Variants in NRXN1 observed in about 807,000 individuals in gnomAD.
The protein encoded by NRXN1 is neurexin-1.
Under a neutral mutation model 150.9 loss-of-function variants are expected in NRXN1, and 39 were observed. The observed-to-expected ratio is 0.26, with a 90% CI of 0.20 to 0.34. NRXN1 has a LOEUF of 0.34. Ranked by LOEUF, NRXN1 falls within the 10% of genes least tolerant of loss-of-function variation. The pLI is 1.00. For missense variants in NRXN1, 1,815 were observed against 1,949.9 expected (o/e 0.93, Z 1.30); for synonymous variants, 924 against 757.0 (o/e 1.22, Z -3.62).
intron 21 of NRXN1, among the ~76,000 whole-genome samples, chr2:49,957,804 C>G (rs1313351626): frequency 6.6e-6 from 1 of 152,146 alleles, no homozygotes; most frequent in Non-Finnish European, 1.5e-5. Context: ...CTGCACTGCA[C>G]TGTTCAGGAG....
intron 5 of NRXN1, among the ~76,000 whole-genome samples, chr2:50,712,423 T>C (rs1283043917): frequency 6.6e-6 from 1 of 152,208 alleles, no homozygotes; most frequent in Non-Finnish European, 1.5e-5. Flanking sequence ...CAAGCTCTCC[T>C]GTATCAGTGT....
At position 49,920,604 on chromosome 2, in the gene NRXN1, C is replaced by G. The variant is rs1325387014; in HGVS notation, c.*1340G>C. ...TTTGTCATCAATACCTTGGCACAAC[C>G]CTCTTCCTTCCTGCTTTTCAATTTG... On this transcript the variant is annotated 3_prime_UTR_variant, in exon 23 of 23. Coordinates refer to ENST00000401669, the MANE Select transcript of NRXN1 (RefSeq NM_001330078.2). The G allele has an allele frequency of 6.6e-6, 1 of 152,342 alleles. No individual in the cohort carries two copies. The highest frequency in any genetic ancestry group is 1.9e-4 in the East Asian group (1 of 5,162). The allele number at this position is 152,342 out of a possible 1,614,324, so 9.4% of individuals were successfully genotyped here. A position where few individuals can be genotyped will look rare whatever the true frequency, so the allele number is the denominator to read the frequency against.
intron 18 of NRXN1, among the ~76,000 whole-genome samples, chr2:50,171,023 G>C (rs540836306): frequency 1.3e-5 from 2 of 152,222 alleles, no homozygotes; most frequent in East Asian, 3.9e-4. Flanking sequence ...AAAAGAAAAT[G>C]TTATTTAGAA....
At chr2:50,247,889 C>T (rs561369863) in intron 17 of NRXN1, among the ~76,000 whole-genome samples, 2 of 152,208 alleles carry the variant, frequency 1.3e-5, no homozygotes, top group African/African-American at 4.8e-5. Flanking sequence ...GAGATGTTAA[C>T]ATTTGTGGGA....
intron 17 of NRXN1, among the ~76,000 whole-genome samples, chr2:50,272,621 A>C (rs962648816): frequency 6.6e-6 from 1 of 152,158 alleles, no homozygotes; most frequent in Non-Finnish European, 1.5e-5. Context: ...GCAGGAAAAA[A>C]TGGAAGAGTA....
At chr2:50,765,510 C>G (rs1288294856) in intron 5 of NRXN1, among the ~76,000 whole-genome samples, 5 of 152,034 alleles carry the variant, frequency 3.3e-5, no homozygotes, top group African/African-American at 4.8e-5. Context: ...GAGAGGAATT[C>G]CAGCTAAACA....
Position 49,920,749 on chromosome 2 carries a change from T to G in NRXN1, c.*1195A>C, listed in dbSNP as rs200452275. 1.4e-5 allele frequency: 2 copies of G among 145,928 alleles called. No individual in the cohort carries two copies. The highest frequency in any genetic ancestry group is 2.2e-4 in the South Asian group (1 of 4,596). The allele number at this position is 145,928 out of a possible 1,614,324, so 9.0% of individuals were successfully genotyped here. A position where few individuals can be genotyped will look rare whatever the true frequency, so the allele number is the denominator to read the frequency against. On this transcript the variant is annotated 3_prime_UTR_variant, in exon 23 of 23. Transcript: ENST00000401669. ...GTGTGTGTGTGTGTGTGTGTGAAAA[T>G]AGTGAATGTATGTGGGAATGTGAGT... is the stretch of plus-strand genomic sequence containing the variant.
chr2:50,346,900 C>G lies in NRXN1; in HGVS notation c.3365-109930G>C. ...GCCGCCGCCGCCGCCGCCGCCGCCG[C>G]CCCCGGGCGAGCCCAGCTCGGCGCC... On this transcript the variant is annotated intron_variant, in intron 17 of 22. Transcript: ENST00000401669. The surrounding 1 kb of genome is among the most constrained non-coding windows in gnomAD (Gnocchi z 5.0). 7.7e-7 allele frequency: 1 copy of G among 1,296,808 alleles called. No homozygotes were observed. Among genetic ancestry groups the G allele is most frequent in the Non-Finnish European group, 9.8e-7 (1 of 1,024,252 alleles). The allele number at this position is 1,296,808 out of a possible 1,614,324, so 80.3% of individuals were successfully genotyped here. A position where few individuals can be genotyped will look rare whatever the true frequency, so the allele number is the denominator to read the frequency against.
chr2:50,601,051 T>C (rs916735343), intron 8 of NRXN1, among the ~76,000 whole-genome samples: 4 of 152,136 alleles, frequency 2.6e-5, no homozygotes, highest in African/African-American at 9.7e-5. Flanking sequence ...CAAGGATACC[T>C]GACTGATGAG....
intron 21 of NRXN1, among the ~76,000 whole-genome samples, chr2:50,042,258 A>G (rs1691100031): frequency 6.6e-6 from 1 of 152,170 alleles, no homozygotes; most frequent in South Asian, 2.1e-4. Flanking sequence ...CTTGAATTGT[A>G]GTTCCCATAA....
chr2:50,899,116 G>A (rs1357600941), intron 5 of NRXN1, among the ~76,000 whole-genome samples: 5 of 151,994 alleles, frequency 3.3e-5, no homozygotes, highest in African/African-American at 7.2e-5. Flanking sequence ...AACTACAGTC[G>A]CTAAAATAAA....
rs188106203 is a variant in NRXN1, at chr2:50,497,257, T to A, written c.2879+76A>T. On this transcript the variant is annotated intron_variant, in intron 14 of 22. Transcript: ENST00000401669. ...ACCTTATGAGCCAGTATGTTCTTCT[T>A]AGTGTATATTTTTGGAAATTGACGT... 284 of 1,154,770 alleles carry A rather than the reference T, an allele frequency of 2.5e-4. No homozygotes were observed. In the African/African-American group the frequency reaches 3.9e-3, roughly 16 times the overall value. 71.5% of individuals were successfully genotyped at this position (1,154,770 alleles called of 1,614,324 possible).
At chr2:50,910,263 CTCA>C (rs1684332455) in intron 5 of NRXN1, among the ~76,000 whole-genome samples, 1 of 151,932 alleles carries the variant, frequency 6.6e-6, no homozygotes, top group African/African-American at 2.4e-5. Flanking sequence ...TTTTATTTGA[CTCA>C]TCATTAGACA....
intron 17 of NRXN1, among the ~76,000 whole-genome samples, chr2:50,422,942 C>T (rs2084114738): frequency 6.6e-6 from 1 of 152,112 alleles, no homozygotes; most frequent in Non-Finnish European, 1.5e-5. Flanking sequence ...ACTGATTTTC[C>T]TCAAATATCA....
intron 17 of NRXN1, among the ~76,000 whole-genome samples, chr2:50,366,083 T>C (rs1009527673): frequency 6.6e-6 from 1 of 151,176 alleles, no homozygotes; most frequent in Non-Finnish European, 1.5e-5. Context: ...CTTAATCCAA[T>C]AGCAGATAAT....
At chr2:50,625,406 A>C (rs987443003) in intron 5 of NRXN1, among the ~76,000 whole-genome samples, 1 of 152,092 alleles carries the variant, frequency 6.6e-6, no homozygotes, top group African/African-American at 2.4e-5. Flanking sequence ...AGACCAAATA[A>C]TTCTGAGTAA....
chr2:50,978,283 TATATATATATATATATATATATAAA>T (rs1696208934), intron 2 of NRXN1, among the ~76,000 whole-genome samples: 1 of 106,948 alleles, frequency 9.4e-6, no homozygotes, highest in South Asian at 2.9e-4. Flanking sequence ...TATATATATA[TATATATATATATATATATATATAAA>T]ATATATATAT....
intron 5 of NRXN1, among the ~76,000 whole-genome samples, chr2:50,654,364 A>AT (rs1415558763): frequency 2.6e-5 from 4 of 151,868 alleles, no homozygotes; most frequent in South Asian, 2.1e-4. Flanking sequence ...TGAAATCATC[A>AT]TTTTTTAGGG....
intron 5 of NRXN1, among the ~76,000 whole-genome samples, chr2:50,839,377 T>G (rs1283264453): frequency 6.6e-6 from 1 of 152,182 alleles, no homozygotes; most frequent in Non-Finnish European, 1.5e-5. Flanking sequence ...GAAAGTGTCA[T>G]AAAATACCAT....
Sources: gnomAD v4.1 joint callset for allele counts (sites outside exome capture counted in the v4.1 genomes callset) on GRCh38, gnomAD v4.1.1 for gene constraint, Gnocchi (gnomAD v3.1) non-coding constraint, MANE v1.5 for transcripts, NCBI Gene and HGNC (gene_info 2026-07-23, HGNC 2026-07-21) for gene names.